The following WWOX variants were observed in gnomAD, a reference collection of about 807,000 sequenced individuals.
WWOX encodes WW domain-containing oxidoreductase.
In WWOX, 69 loss-of-function variants were observed where a neutral mutation model predicts 46.2. That is an observed-to-expected ratio of 1.49 (90% CI 1.23 to 1.82). The LOEUF (loss-of-function observed/expected upper bound fraction) is 1.82. Among genes scored for constraint, WWOX ranks in the 40% most tolerant of loss-of-function variants. The pLI, the probability that WWOX is intolerant of heterozygous loss-of-function variation, is 0.00. For missense variants in WWOX, 919 were observed against 542.6 expected (o/e 1.69, Z -6.89); for synonymous variants, 359 against 202.6 (o/e 1.77, Z -6.56).
chr16:79,211,685 C>A lies in WWOX; in HGVS notation c.1134C>A (p.Asn378Lys). The A allele has an allele frequency of 6.2e-7, 1 of 1,614,244 alleles. No individual in the cohort carries two copies. The highest frequency in any genetic ancestry group is 2.2e-5 in the East Asian group (1 of 44,866). Reference sequence around the variant, plus strand: ...GTCTGGGAGGGATGTACTTCAACAACTGCTGCCGCTGCATGCCCTCACCAG... The same window carrying A: ...GTCTGGGAGGGATGTACTTCAACAAATGCTGCCGCTGCATGCCCTCACCAG... ...LEGLGGMYFN[N>K]CCRCMPSPEA... The change falls in exon 9 of 9, where the codon AAC becomes AAA. Residue 378 changes from asparagine to lysine, a missense_variant. Asn to Lys is a moderately conservative substitution (Grantham distance 94). Transcript: ENST00000566780.
In WWOX at chr16:78,425,024, C is replaced by T. The variant is rs369715848; in HGVS notation, c.760C>T (p.Arg254Cys). 87 of 1,613,792 alleles carry T rather than the reference C, an allele frequency of 5.4e-5. No homozygotes were observed. The highest frequency in any genetic ancestry group is 6.4e-5 in the Non-Finnish European group (76 of 1,180,012). ...QDVLCRSAPA[R>C]VIVVSSESHR... ...TGTTTTGTGCCGCTCAGCTCCTGCC[C>T]GTGTCATTGTGGTCTCCTCAGAGTC... The change falls in exon 7 of 9, where the codon CGT becomes TGT. Residue 254 changes from arginine (R) to cysteine (C), a missense_variant. Coordinates refer to ENST00000566780, the MANE Select transcript of WWOX (RefSeq NM_016373.4).
intron 6 of WWOX, among the ~76,000 whole-genome samples, chr16:78,400,280 A>G (rs1174708646): frequency 6.6e-6 from 1 of 152,180 alleles, no homozygotes; most frequent in Non-Finnish European, 1.5e-5. Context: ...TAAGGTGACA[A>G]ATTACACAGC....
intron 4 of WWOX, among the ~76,000 whole-genome samples, chr16:78,132,376 A>G (rs2033634988): frequency 6.6e-6 from 1 of 152,152 alleles, no homozygotes. Flanking sequence ...GAGTAACTAT[A>G]AAGAAAAGCA....
intron 5 of WWOX, among the ~76,000 whole-genome samples, chr16:78,195,100 G>T (rs541483588): frequency 3.9e-5 from 6 of 152,274 alleles, no homozygotes; most frequent in Admixed American, 2.6e-4. Context: ...AGGTTCCCCA[G>T]TCCTGCCAAG....
chr16:79,080,718 G>T (rs2048745081), intron 8 of WWOX, among the ~76,000 whole-genome samples: 1 of 152,180 alleles, frequency 6.6e-6, no homozygotes, highest in Non-Finnish European at 1.5e-5. Flanking sequence ...TGTAATCCCA[G>T]CCACTTGGGA....
intron 5 of WWOX, among the ~76,000 whole-genome samples, chr16:78,328,345 G>T (rs548693646): frequency 7.2e-4 from 109 of 152,252 alleles, no homozygotes; most frequent in African/African-American, 2.5e-3. Flanking sequence ...CCTCACTAGG[G>T]ATATTTCATA....
At chr16:78,977,338 C>A (rs12447264) in intron 8 of WWOX, among the ~76,000 whole-genome samples, 48,150 of 152,026 alleles carry the variant, frequency 0.32, 8,914 homozygotes, top group Admixed American at 0.42. Flanking sequence ...CCTCCAGAGG[C>A]CTGAGATCCT....
chr16:78,971,009 C>G (rs1051648451), intron 8 of WWOX, among the ~76,000 whole-genome samples: 1 of 152,110 alleles, frequency 6.6e-6, no homozygotes, highest in East Asian at 1.9e-4. Context: ...CATTCTCATG[C>G]TAGCTTCATA....
intron 8 of WWOX, among the ~76,000 whole-genome samples, chr16:78,850,659 A>T (rs539921807): frequency 6.6e-6 from 1 of 152,282 alleles, no homozygotes; most frequent in Non-Finnish European, 1.5e-5. Context: ...GCTTTATGTA[A>T]TGACGAGCCT....
In WWOX at chr16:78,820,512, C is replaced by G. The variant is rs112820346; in HGVS notation, c.1056+387760C>G. Among the ~76,000 whole-genome samples, 201 of 152,148 alleles carry G rather than the reference C, an allele frequency of 1.3e-3. 3 individuals carry two copies. Among genetic ancestry groups the G allele is most frequent in the African/African-American group, 4.5e-3 (187 of 41,522 alleles). On this transcript the variant is annotated intron_variant, in intron 8 of 8. Coordinates refer to ENST00000566780, the MANE Select transcript of WWOX (RefSeq NM_016373.4). ...CCCCATTTCCATGAGTAGAGTTGGC[C>G]ATTGCCCACTAAGAAAATTTAGGTG...
At chr16:78,531,646 T>G (rs1053955930) in intron 8 of WWOX, among the ~76,000 whole-genome samples, 1 of 152,014 alleles carries the variant, frequency 6.6e-6, no homozygotes, top group African/African-American at 2.4e-5. Flanking sequence ...AGTTCGAGAC[T>G]AGCCTGGCCA....
chr16:78,843,319 G>A (rs2052210558), intron 8 of WWOX, among the ~76,000 whole-genome samples: 1 of 149,996 alleles, frequency 6.7e-6, no homozygotes, highest in East Asian at 2.0e-4. Flanking sequence ...TTTTGGGCTG[G>A]TAAAGCCACC....
At chr16:78,968,086 ATGGTCCGCATGGCACAGCGCG>A (rs1279218869) in intron 8 of WWOX, among the ~76,000 whole-genome samples, 8,043 of 149,314 alleles carry the variant, frequency 0.054, 440 homozygotes, top group East Asian at 0.33. Context: ...GGCACAGTGC[ATGGTCCGCATGGCACAGCGCG>A]TGGTCCGCGT....
intron 8 of WWOX, among the ~76,000 whole-genome samples, chr16:78,776,775 G>A (rs528585541): frequency 9.2e-5 from 14 of 152,162 alleles, no homozygotes; most frequent in Non-Finnish European, 1.5e-5. Context: ...CGGCAGGCAA[G>A]AGGGGCAGGG....
intron 8 of WWOX, among the ~76,000 whole-genome samples, chr16:78,560,615 G>C (rs575752386): frequency 1.3e-5 from 2 of 152,288 alleles, no homozygotes; most frequent in South Asian, 4.1e-4. Context: ...TTATACTCCA[G>C]TCTAGGCAAC....
At chr16:78,418,864 G>A (rs922822567) in intron 6 of WWOX, among the ~76,000 whole-genome samples, 3 of 151,920 alleles carry the variant, frequency 2.0e-5, no homozygotes, top group East Asian at 3.9e-4. Context: ...ATTGAGTACC[G>A]TCCCCTTAGG....
At chr16:78,700,038 A>G (rs1402217726) in intron 8 of WWOX, among the ~76,000 whole-genome samples, 3 of 151,908 alleles carry the variant, frequency 2.0e-5, no homozygotes, top group Non-Finnish European at 4.4e-5. Context: ...TACAACATAG[A>G]AATGTCCTGG....
At chr16:78,885,546 G>T (rs973763636) in intron 8 of WWOX, among the ~76,000 whole-genome samples, 3 of 152,200 alleles carry the variant, frequency 2.0e-5, no homozygotes, top group African/African-American at 7.2e-5. Flanking sequence ...CAGATTGTGA[G>T]AAATGTGTTG....
intron 8 of WWOX, among the ~76,000 whole-genome samples, chr16:78,716,189 G>C (rs1289512375): frequency 6.6e-6 from 1 of 152,066 alleles, no homozygotes; most frequent in East Asian, 1.9e-4. Context: ...AAGATGATGT[G>C]AAGAAAAACA....
Sources: allele counts gnomAD v4.1 joint callset (sites outside exome capture counted in the v4.1 genomes callset), GRCh38; gene constraint gnomAD v4.1.1; transcripts MANE v1.5; gene names NCBI Gene and HGNC (gene_info 2026-07-23, HGNC 2026-07-21).